Variants in DSCAM observed in about 807,000 individuals in gnomAD.
DSCAM encodes DS cell adhesion molecule, also known as cell adhesion molecule DSCAM.
Under a neutral mutation model 217.7 loss-of-function variants are expected in DSCAM, and 47 were observed. The ratio of observed to expected loss-of-function variants is 0.22; its 90% CI spans 0.17 to 0.28. The LOEUF is 0.28. Among genes scored for constraint, DSCAM ranks in the 10% least tolerant of loss-of-function variants. The pLI, the probability that DSCAM is intolerant of heterozygous loss-of-function variation, is 1.00. For missense variants in DSCAM, 2,080 were observed against 2,618.3 expected, an observed-to-expected ratio of 0.79 and a Z score of 4.49; for synonymous variants, 1,056 against 1,015.3, an observed-to-expected ratio of 1.04 and a Z score of -0.76.
At chr21:40,643,453 T>TGTGCA (rs1244354786) in intron 3 of DSCAM, among the ~76,000 whole-genome samples, 6 of 152,204 alleles carry the variant, frequency 3.9e-5, no homozygotes, top group Non-Finnish European at 8.8e-5. Context: ...GAGCCTTAAC[T>TGTGCA]GTGCACTGAG....
At chr21:40,129,756 A>G (rs1314026524) in intron 19 of DSCAM, among the ~76,000 whole-genome samples, 5 of 152,192 alleles carry the variant, frequency 3.3e-5, no homozygotes, top group South Asian at 2.1e-4. Flanking sequence ...ACTGGTGGCT[A>G]TGCAAACATA....
chr21:40,134,353 C>A (rs1438047373), intron 18 of DSCAM, among the ~76,000 whole-genome samples: 4 of 152,164 alleles, frequency 2.6e-5, no homozygotes, highest in Non-Finnish European at 5.9e-5. Flanking sequence ...GTCCCCTGCA[C>A]CCCTAGCAGC....
chr21:40,695,027 G>A (rs2090581271), intron 2 of DSCAM, among the ~76,000 whole-genome samples: 1 of 152,146 alleles, frequency 6.6e-6, no homozygotes, highest in South Asian at 2.1e-4. Flanking sequence ...CTAAGCAGGG[G>A]AATGATTTCA....
At chr21:40,021,165 C>T (rs549773337) in intron 32 of DSCAM, among the ~76,000 whole-genome samples, 4 of 129,452 alleles carry the variant, frequency 3.1e-5, no homozygotes, top group Admixed American at 9.2e-5. Flanking sequence ...AAGAAAGAAA[C>T]GTAGCACTCT....
intron 11 of DSCAM, among the ~76,000 whole-genome samples, chr21:40,267,354 C>G (rs2073553167): frequency 6.6e-6 from 1 of 151,496 alleles, no homozygotes; most frequent in African/African-American, 2.4e-5. Context: ...TTATTATTAT[C>G]ACAAGTATTA....
chr21:40,046,909 G>A (rs1413585997), intron 30 of DSCAM, among the ~76,000 whole-genome samples: 1 of 151,898 alleles, frequency 6.6e-6, no homozygotes. Context: ...CACTGTCATA[G>A]CCCCTTTCCT....
At chr21:40,500,796 T>A (rs1485577156) in intron 3 of DSCAM, among the ~76,000 whole-genome samples, 1 of 152,164 alleles carries the variant, frequency 6.6e-6, no homozygotes, top group Non-Finnish European at 1.5e-5. Context: ...CTAACGATAC[T>A]GCTCTTCTGC....
intron 11 of DSCAM, among the ~76,000 whole-genome samples, chr21:40,207,733 G>C (rs1462831424): frequency 1.3e-5 from 2 of 152,130 alleles, no homozygotes; most frequent in African/African-American, 4.8e-5. Context: ...ATCATGGATT[G>C]GCCTCAATAA....
chr21:40,633,058 T>A (rs558952434), intron 3 of DSCAM, among the ~76,000 whole-genome samples: 1 of 152,332 alleles, frequency 6.6e-6, no homozygotes, highest in Admixed American at 6.5e-5. Flanking sequence ...ACATCCGTTG[T>A]TCCATATTGA....
intron 3 of DSCAM, among the ~76,000 whole-genome samples, chr21:40,416,593 G>T (rs1048891860): frequency 1.3e-5 from 2 of 152,016 alleles, no homozygotes; most frequent in African/African-American, 4.8e-5. Context: ...AAAAATGACA[G>T]GTTTGTAGTT....
intron 3 of DSCAM, among the ~76,000 whole-genome samples, chr21:40,466,706 C>T (rs2075848271): frequency 1.3e-5 from 2 of 152,054 alleles, no homozygotes; most frequent in South Asian, 2.1e-4. Context: ...CACCTCTTTT[C>T]TTTTTTCCTC....
At chr21:40,447,307 C>T (rs1388450329) in intron 3 of DSCAM, among the ~76,000 whole-genome samples, 2 of 152,194 alleles carry the variant, frequency 1.3e-5, no homozygotes, top group Admixed American at 6.5e-5. Flanking sequence ...TTCTAAAAGT[C>T]CCATGACTCA....
intron 32 of DSCAM, among the ~76,000 whole-genome samples, chr21:40,033,022 GA>G (rs1015323494): frequency 7.9e-5 from 12 of 152,308 alleles, no homozygotes; most frequent in South Asian, 2.1e-4. Flanking sequence ...CTGGCCCCCA[GA>G]AATGCATTTC....
At chr21:40,246,615 G>A (rs949446267) in intron 11 of DSCAM, among the ~76,000 whole-genome samples, 16 of 151,834 alleles carry the variant, frequency 1.1e-4, no homozygotes, top group African/African-American at 3.6e-4. Flanking sequence ...TGACTAACAC[G>A]GTGAAGAAGT....
intron 16 of DSCAM, among the ~76,000 whole-genome samples, chr21:40,162,541 T>C (rs2090550665): frequency 6.6e-6 from 1 of 152,248 alleles, no homozygotes; most frequent in African/African-American, 2.4e-5. Flanking sequence ...GTCATTTTCC[T>C]GTTGTAAGAG....
At chr21:40,740,137 AT>A (rs1265392894) in intron 1 of DSCAM, among the ~76,000 whole-genome samples, 2 of 152,196 alleles carry the variant, frequency 1.3e-5, no homozygotes, top group East Asian at 3.9e-4. Flanking sequence ...TGCTCTGTAA[AT>A]TTTGACACAA....
chr21:40,814,272 G>A lies in DSCAM; in HGVS notation c.43+32347C>T, dbSNP rs532808740. Among the ~76,000 whole-genome samples the A allele has an allele frequency of 7.2e-5, 11 of 152,274 alleles. No individual in the cohort carries two copies. In the South Asian group the frequency reaches 2.1e-3, roughly 29 times the overall value. On this transcript the variant is annotated intron_variant, in intron 1 of 32. Transcript: ENST00000400454. ...CATGCAGACTCTCTGGCTCTGCACA[G>A]GTCCAGTTGCACTTTTTGTAACTCT...
At chr21:40,708,407 C>T in intron 2 of DSCAM, 47 bp downstream of exon 2, 1 of 1,369,238 alleles carries the variant, frequency 7.3e-7, no homozygotes, top group Non-Finnish European at 9.6e-7. Context: ...CATTATCCTC[C>T]CATCCCAAGC....
At position 40,095,875 on chromosome 21, in the gene DSCAM, T is replaced by C. The variant is rs537218200; in HGVS notation, c.3697-2001A>G. Among the ~76,000 whole-genome samples, 8 of 152,262 alleles carry C rather than the reference T, an allele frequency of 5.3e-5. No homozygotes were observed. In the South Asian group the frequency reaches 1.4e-3, roughly 28 times the overall value. On this transcript the variant is annotated intron_variant, in intron 20 of 32. Coordinates refer to ENST00000400454, the MANE Select transcript of DSCAM (RefSeq NM_001389.5). ...TGTTCAAAAATTTAAGTAGATATGA[T>C]ACAAAAAGACCTAAATTAAACTCAA...
Sources: gnomAD v4.1 joint callset for allele counts (sites outside exome capture counted in the v4.1 genomes callset) on GRCh38, gnomAD v4.1.1 for gene constraint, MANE v1.5 for transcripts, NCBI Gene and HGNC (gene_info 2026-07-23, HGNC 2026-07-21) for gene names.